NBPF12: variants seen among roughly 807,000 people sequenced by gnomAD.
NBPF12 encodes the protein NBPF member 12, also known as NBPF family member NBPF12.
In NBPF12, 115 loss-of-function variants were observed where a neutral mutation model predicts 146.4. The observed-to-expected ratio is 0.79, with a 90% confidence interval of 0.68 to 0.92. NBPF12 has a LOEUF of 0.92. NBPF12 is among the 40% of genes least tolerant of loss of function. The pLI, the probability that NBPF12 is intolerant of heterozygous loss-of-function variation, is 0.00. For missense variants in NBPF12, 1,205 were observed against 1,326.8 expected (o/e 0.91, Z 1.43); for synonymous variants, 385 against 508.9 (o/e 0.76, Z 3.28).
At chr1:146,978,279 T>G (rs1657175889) in intron 18 of NBPF12, among the ~76,000 whole-genome samples, 1 of 138,006 alleles carries the variant, frequency 7.2e-6, no homozygotes, top group African/African-American at 2.6e-5. Context: ...TTTTTTTTTT[T>G]TTTGCGATGG....
upstream of NBPF12, among the ~76,000 whole-genome samples, chr1:146,946,577 T>C (rs1489146279): frequency 7.0e-6 from 1 of 142,378 alleles, no homozygotes; most frequent in Non-Finnish European, 1.5e-5. Flanking sequence ...TTCATATATT[T>C]TGGACAGCAG....
intron 17 of NBPF12, 140 bp from the exon 21 acceptor site, chr1:146,977,326 G>A (rs1657110296): frequency 6.3e-6 from 7 of 1,107,134 alleles, no homozygotes; most frequent in East Asian, 4.9e-5. Flanking sequence ...AGGATTGCAT[G>A]TTCCCTCTTA....
intron 8 of NBPF12, among the ~76,000 whole-genome samples, chr1:146,966,207 A>C (rs1656196117): frequency 6.6e-6 from 1 of 152,038 alleles, no homozygotes; most frequent in African/African-American, 2.4e-5. Context: ...TAAAAATCTC[A>C]GGGCCAAGCC....
chr1:146,954,079 A>C (rs1339130919), intron 2 of NBPF12, among the ~76,000 whole-genome samples: 1 of 147,040 alleles, frequency 6.8e-6, no homozygotes, highest in African/African-American at 2.5e-5. Flanking sequence ...TAACATCTAA[A>C]TACATGTTGT....
chr1:146,955,885 C>T (rs1409190347), intron 2 of NBPF12, among the ~76,000 whole-genome samples: 7 of 151,180 alleles, frequency 4.6e-5, no homozygotes, highest in Non-Finnish European at 4.4e-5. Context: ...TTAAGAATGC[C>T]TTCGTTATTT....
exon 34 of NBPF12, chr1:146,994,558 G>T: frequency 6.2e-7 from 1 of 1,609,478 alleles, no homozygotes; most frequent in Non-Finnish European, 8.5e-7. Context: ...CCAGATGGGA[G>T]TCATATTCCC....
At position 146,966,391 on chromosome 1, in the gene NBPF12, C is replaced by T. The variant is rs1656212201; in HGVS notation, c.779-73C>T. ...AGTACACAAGGCTGCCAGTGACATC[C>T]CTCAGTCCTGATTAAGCCTACTTGA... On this transcript the variant is annotated intron_variant, in intron 8 of 33. Coordinates refer to ENST00000617844, the Ensembl canonical transcript of NBPF12. 10 of 1,218,416 alleles carry T rather than the reference C, an allele frequency of 8.2e-6. No individual in the cohort carries two copies. The Admixed American group carries it at 1.3e-4, about 16-fold the overall frequency. The allele number at this position is 1,218,416 out of a possible 1,614,324, so 75.5% of individuals were successfully genotyped here.
chr1:146,948,169 C>A (rs1296064863), upstream of NBPF12, among the ~76,000 whole-genome samples: 21 of 152,030 alleles, frequency 1.4e-4, 1 homozygote, highest in South Asian at 4.4e-3. Context: ...TGCTACCACA[C>A]CTGGCTAATG....
At chr1:146,941,115 A>C (rs1654783571) in intron 1 of NBPF12, among the ~76,000 whole-genome samples, 1 of 151,512 alleles carries the variant, frequency 6.6e-6, no homozygotes, top group Non-Finnish European at 1.5e-5. Context: ...ACAAGATCTC[A>C]CTCTGTTGCC....
upstream of NBPF12, among the ~76,000 whole-genome samples, chr1:146,948,095 C>T (rs1442334117): frequency 1.3e-5 from 2 of 151,980 alleles, no homozygotes; most frequent in Admixed American, 1.3e-4. Flanking sequence ...ACTGCAACCT[C>T]CACCTCCTGA....
chr1:146,948,841 G>A (rs1213971841), upstream of NBPF12, among the ~76,000 whole-genome samples: 2 of 151,466 alleles, frequency 1.3e-5, no homozygotes, highest in Non-Finnish European at 2.9e-5. Flanking sequence ...GGAATGTCTC[G>A]GTGTAAAGCC....
Position 146,957,838 on chromosome 1 carries a change from T to A in NBPF12, c.-183-2021T>A, listed in dbSNP as rs1448082324. 5.2e-5 allele frequency among the ~76,000 whole-genome samples: 4 copies of A among 76,978 alleles called. 1 individual carries two copies. The highest frequency in any genetic ancestry group is 1.0e-4 in the Non-Finnish European group (4 of 39,078). The allele number at this position is 76,978 out of a possible 152,430, so 50.5% of individuals were successfully genotyped here. A position where few individuals can be genotyped will look rare whatever the true frequency, so the allele number is the denominator to read the frequency against. On this transcript the variant is annotated intron_variant, in intron 2 of 33. Transcript: ENST00000617844. ...CGCCACTTAAAAAAGAAAAAAAAAA[T>A]ATAATATATATATATATACACGTGT... is the stretch of plus-strand genomic sequence containing the variant.
intron 13 of NBPF12, among the ~76,000 whole-genome samples, 197 bp downstream of exon 16, chr1:146,971,591 A>G (rs1382406248): frequency 2.1e-5 from 3 of 146,276 alleles, no homozygotes; most frequent in Admixed American, 6.8e-5. Context: ...GGAGTTGAAG[A>G]CCAGCCTGGA....
chr1:146,963,420 A>G (rs1351887547), intron 6 of NBPF12, 111 bp downstream of exon 9: 10 of 1,598,862 alleles, frequency 6.3e-6, no homozygotes, highest in East Asian at 2.2e-5. Flanking sequence ...TCTACTACAC[A>G]TATGTGGCCA....
intron 14 of NBPF12, 23 bp downstream of exon 17, chr1:146,972,983 C>T (rs1335629613): frequency 1.1e-6 from 1 of 914,142 alleles, no homozygotes; most frequent in Non-Finnish European, 1.8e-6. Context: ...TGCTCACCAT[C>T]ATGAAAGTGA....
At chr1:146,995,861 T>C (rs1223195387) in exon 34 of NBPF12, 1 of 150,162 alleles carries the variant, frequency 6.7e-6, no homozygotes, top group African/African-American at 2.5e-5. Flanking sequence ...AGTATAAATA[T>C]CCTGTATTCT....
Position 146,994,252 on chromosome 1 carries a change from A to G in NBPF12, c.4131-80A>G, listed in dbSNP as rs782000152. On this transcript the variant is annotated intron_variant, in intron 33 of 33. Coordinates refer to ENST00000617844, the Ensembl canonical transcript of NBPF12. ...CTTTTTCTTTTCTAACCACTTCCTT[A>G]TGTTACTTCTGAAATCTAGTGAGGC... is the stretch of plus-strand genomic sequence containing the variant. The G allele has an allele frequency of 4.9e-5, 79 of 1,609,428 alleles. No homozygotes were observed. In the South Asian group the frequency reaches 6.8e-4, roughly 14 times the overall value.
intron 1 of NBPF12, among the ~76,000 whole-genome samples, chr1:146,950,089 A>G (rs1361101007): frequency 6.6e-6 from 1 of 152,076 alleles, no homozygotes; most frequent in African/African-American, 2.4e-5. Flanking sequence ...TTTGGGGACC[A>G]TTTCAGAAAT....
chr1:146,995,269 C>T (rs1184193620), exon 34 of NBPF12: 2 of 125,672 alleles, frequency 1.6e-5, no homozygotes, highest in African/African-American at 6.7e-5. Flanking sequence ...CAGCATGTCA[C>T]CCAGGACTCT....
Sources: allele counts gnomAD v4.1 joint callset (sites outside exome capture counted in the v4.1 genomes callset), GRCh38; gene constraint gnomAD v4.1.1; transcripts MANE v1.5; gene names NCBI Gene and HGNC (gene_info 2026-07-23, HGNC 2026-07-21).